Variants in SPHKAP observed in about 807,000 individuals in gnomAD.
SPHKAP encodes the protein SPHK1 interactor, AKAP domain containing.
SPHKAP carries 67 observed loss-of-function variants against 137.5 expected under a neutral mutation model. That is an observed-to-expected ratio of 0.49 (90% CI 0.40 to 0.60). The LOEUF is 0.60. Ranked by LOEUF, SPHKAP falls within the 20% of genes least tolerant of loss-of-function variation. SPHKAP has a pLI of 0.00. For synonymous variants in SPHKAP, 813 were observed against 785.3 expected (o/e 1.04, Z -0.59); for missense variants, 2,097 against 2,069.3 (o/e 1.01, Z -0.26).
intron 7 of SPHKAP, among the ~76,000 whole-genome samples, chr2:228,008,564 G>T (rs1425422576): frequency 6.6e-6 from 1 of 152,024 alleles, no homozygotes; most frequent in Non-Finnish European, 1.5e-5. Context: ...CAAAGTGCTG[G>T]GATTATAGGC....
At chr2:228,150,893 G>A (rs1465784364) in intron 1 of SPHKAP, among the ~76,000 whole-genome samples, 2 of 151,868 alleles carry the variant, frequency 1.3e-5, no homozygotes, top group Non-Finnish European at 2.9e-5. Context: ...GGCACTACAG[G>A]TAAGCACCAC....
chr2:228,079,021 G>A (rs541938937), intron 3 of SPHKAP, among the ~76,000 whole-genome samples: 4 of 152,258 alleles, frequency 2.6e-5, no homozygotes, highest in East Asian at 1.9e-4. Context: ...TGACCCTAAC[G>A]GCCACAGCAG....
At chr2:228,081,409 G>T (rs1284999359) in intron 3 of SPHKAP, among the ~76,000 whole-genome samples, 2 of 152,116 alleles carry the variant, frequency 1.3e-5, no homozygotes, top group African/African-American at 4.8e-5. Context: ...AAATAAATTT[G>T]TAAACTGATA....
intron 5 of SPHKAP, among the ~76,000 whole-genome samples, chr2:228,022,762 T>C (rs1443556880): frequency 1.3e-5 from 2 of 152,180 alleles, no homozygotes; most frequent in East Asian, 3.9e-4. Flanking sequence ...GAAGGGAATG[T>C]CAACGCTGTC....
intron 3 of SPHKAP, among the ~76,000 whole-genome samples, chr2:228,039,621 A>G (rs1333532985): frequency 6.6e-6 from 1 of 152,214 alleles, no homozygotes; most frequent in African/African-American, 2.4e-5. Context: ...GAAGAGGATG[A>G]CATGAAAATC....
At chr2:228,020,999 A>T (rs1301358435) in intron 6 of SPHKAP, among the ~76,000 whole-genome samples, 1 of 152,104 alleles carries the variant, frequency 6.6e-6, no homozygotes, top group Non-Finnish European at 1.5e-5. Flanking sequence ...GTTTACGGCA[A>T]CCTCAGTAGT....
At chr2:227,988,795 A>G (rs1335048705) in intron 11 of SPHKAP, among the ~76,000 whole-genome samples, 2 of 152,184 alleles carry the variant, frequency 1.3e-5, no homozygotes, top group Non-Finnish European at 2.9e-5. Flanking sequence ...AGGGTCACAC[A>G]TGATTATGCT....
chr2:228,030,243 CG>C (rs1695232649), intron 3 of SPHKAP, among the ~76,000 whole-genome samples: 1 of 151,998 alleles, frequency 6.6e-6, no homozygotes, highest in South Asian at 2.1e-4. Context: ...CGGCCGCGTA[CG>C]GTGGCTCACG....
At chr2:228,005,361 C>G (rs1694088126) in intron 7 of SPHKAP, among the ~76,000 whole-genome samples, 2 of 152,204 alleles carry the variant, frequency 1.3e-5, no homozygotes, top group Admixed American at 1.3e-4. Context: ...TTATCAGAGA[C>G]TAGGATTGTA....
intron 3 of SPHKAP, among the ~76,000 whole-genome samples, chr2:228,035,250 GA>G (rs911554668): frequency 3.4e-5 from 2 of 58,186 alleles, no homozygotes; most frequent in African/African-American, 1.7e-4. Flanking sequence ...GACAAACAGA[GA>G]GCCAAATCAT....
At chr2:227,998,360 T>C (rs1448943958) in intron 7 of SPHKAP, among the ~76,000 whole-genome samples, 2 of 152,192 alleles carry the variant, frequency 1.3e-5, no homozygotes, top group African/African-American at 4.8e-5. Flanking sequence ...CAGGAAACTC[T>C]GATGTACAGA....
rs544782857 is a variant in SPHKAP at position 228,012,163 on chromosome 2, CAAAAAAAAAAAAA to C, written c.4448+4230_4448+4242del. Among the ~76,000 whole-genome samples, 14 of 84,918 alleles carry C rather than the reference CAAAAAAAAAAAAA, an allele frequency of 1.6e-4. No homozygotes were observed. The East Asian group carries it at 3.7e-3, about 23-fold the overall frequency. The allele number at this position is 84,918 out of a possible 152,430, so 55.7% of individuals were successfully genotyped here. On this transcript the variant is annotated intron_variant, in intron 7 of 11. Coordinates refer to ENST00000392056, the MANE Select transcript of SPHKAP (RefSeq NM_001142644.2). ...AGCCTGGGTGACAGAGACTCTACCT[CAAAAAAAAAAAAA>C]AAAAAAAAAAAAGAAAGAAAGAAAG... is the stretch of plus-strand genomic sequence containing the variant.
At chr2:228,038,334 AC>A (rs1261663816) in intron 3 of SPHKAP, among the ~76,000 whole-genome samples, 1 of 152,050 alleles carries the variant, frequency 6.6e-6, no homozygotes, top group Non-Finnish European at 1.5e-5. Context: ...ACAGGAGGAA[AC>A]TTTTGGTAGT....
chr2:228,167,945 T>G (rs1476890331), intron 1 of SPHKAP, among the ~76,000 whole-genome samples: 1 of 152,152 alleles, frequency 6.6e-6, no homozygotes, highest in Admixed American at 6.5e-5. Flanking sequence ...GAAAAAGACA[T>G]GCTCATACAT....
chr2:228,121,942 G>T (rs1279470423), intron 2 of SPHKAP, among the ~76,000 whole-genome samples: 4 of 152,110 alleles, frequency 2.6e-5, no homozygotes, highest in Non-Finnish European at 5.9e-5. Context: ...GGTGGGGAAT[G>T]CAGTGTCTAC....
chr2:228,100,007 G>C (rs1574849208), intron 3 of SPHKAP, among the ~76,000 whole-genome samples: 1 of 151,986 alleles, frequency 6.6e-6, no homozygotes, highest in Non-Finnish European at 1.5e-5. Flanking sequence ...CCGCCATCAC[G>C]CCTGGCTAAT....
chr2:228,017,853 T>C lies in SPHKAP; in HGVS notation c.3001A>G (p.Ser1001Gly). 1 of 1,614,076 alleles carries C rather than the reference T, an allele frequency of 6.2e-7. No homozygotes were observed. Among genetic ancestry groups the C allele is most frequent in the Non-Finnish European group, 8.5e-7 (1 of 1,179,990 alleles). The change falls in exon 7 of 12, where the codon AGT becomes GGT. Residue 1001 changes from serine to glycine, a missense_variant. Physicochemically the swap from Ser to Gly is moderately conservative, Grantham distance 56 (BLOSUM62 0). Transcript: ENST00000392056. The stretch of plus-strand genomic sequence containing the variant: ...TCGTCCGTCTTCCTCTTGATCTCAC[T>C]GAGCCGGGGAGGCTTGTGTTTCCTC... ...AVRKHKPPRL[S>G]EIKRKTDEHP...
intron 3 of SPHKAP, among the ~76,000 whole-genome samples, chr2:228,105,681 A>G (rs576558474): frequency 8.5e-5 from 13 of 152,124 alleles, no homozygotes; most frequent in East Asian, 3.9e-4. Context: ...GGTTTCCCCC[A>G]TACTGTTCCG....
chr2:228,023,102 C>T (rs1459712848), intron 5 of SPHKAP, among the ~76,000 whole-genome samples: 2 of 152,212 alleles, frequency 1.3e-5, no homozygotes, highest in Non-Finnish European at 2.9e-5. Context: ...TATCCTCATT[C>T]TCCACTACAC....
Sources: gnomAD v4.1 joint callset for allele counts (sites outside exome capture counted in the v4.1 genomes callset) on GRCh38, gnomAD v4.1.1 for gene constraint, MANE v1.5 for transcripts, NCBI Gene and HGNC (gene_info 2026-07-23, HGNC 2026-07-21) for gene names.